Variants in PHIP observed in about 807,000 individuals in gnomAD.
PHIP encodes PHIP subunit of CUL4-Ring ligase complex.
PHIP carries 54 observed loss-of-function variants against 236.8 expected under a neutral mutation model. That is an observed-to-expected ratio of 0.23 (90% CI 0.18 to 0.29). PHIP has a LOEUF of 0.29. Among genes scored for constraint, PHIP ranks in the 10% least tolerant of loss-of-function variants. The probability of loss-of-function intolerance (pLI) is 1.00; values close to 1 mark genes in which losing one functional copy is unlikely to be tolerated. For synonymous variants in PHIP, 756 were observed against 718.9 expected (o/e 1.05, Z -0.83); for missense variants, 1,370 against 2,190.8 (o/e 0.63, Z 7.48).
chr6:78,983,582 C>CT (rs1049808627), intron 22 of PHIP, among the ~76,000 whole-genome samples: 41 of 152,148 alleles, frequency 2.7e-4, no homozygotes, highest in Admixed American at 2.3e-3. Context: ...CAGGGGAACT[C>CT]TTATGGTCCA....
chr6:78,966,448 T>G (rs1404999172), intron 27 of PHIP, among the ~76,000 whole-genome samples: 1 of 152,160 alleles, frequency 6.6e-6, no homozygotes, highest in East Asian at 1.9e-4. Flanking sequence ...TCTTACTTTC[T>G]GTAAGCAAGT....
At position 78,969,858 on chromosome 6, in the gene PHIP, G is replaced by A; in HGVS notation, c.3182C>T (p.Ala1061Val). 6.3e-7 allele frequency: 1 copy of A among 1,579,542 alleles called. No individual in the cohort carries two copies. The highest frequency in any genetic ancestry group is 1.3e-5 in the African/African-American group (1 of 74,182). ...ACCTATATTCCATCGCCTGTATTTT[G>A]CATCATCAAATTGTTGTCTCAAGAC... ...FLVLRQQFDD[A>V]KYRRWNIGDR... Residue 1061 changes from alanine (A) to valine (V), a missense_variant, in exon 27 of 40, where the codon GCA (alanine) becomes GTA (valine). Transcript: ENST00000275034.
chr6:78,964,562 G>A (rs1436688615), intron 29 of PHIP, among the ~76,000 whole-genome samples: 4 of 151,932 alleles, frequency 2.6e-5, no homozygotes, highest in African/African-American at 4.8e-5. Context: ...GTGCAATCTC[G>A]GCTCACTGCC....
intron 6 of PHIP, among the ~76,000 whole-genome samples, chr6:79,049,497 T>C (rs768733666): frequency 4.6e-5 from 7 of 152,188 alleles, no homozygotes; most frequent in Non-Finnish European, 8.8e-5. Flanking sequence ...AATTAAAATA[T>C]AAAAGGGAGT....
intron 7 of PHIP, among the ~76,000 whole-genome samples, chr6:79,027,560 T>C (rs1425087022): frequency 6.6e-6 from 1 of 152,160 alleles, no homozygotes; most frequent in African/African-American, 2.4e-5. Flanking sequence ...CCACTAAAGA[T>C]ATAAGAATGA....
chr6:79,002,713 A>C (rs1005213282), intron 16 of PHIP, among the ~76,000 whole-genome samples: 2 of 152,128 alleles, frequency 1.3e-5, no homozygotes, highest in Non-Finnish European at 2.9e-5. Flanking sequence ...ACCACTAAAA[A>C]TAAGCTATTC....
At chr6:79,025,424 A>C (rs1007991409) in intron 9 of PHIP, 95 bp downstream of exon 9, 7 of 691,972 alleles carry the variant, frequency 1.0e-5, no homozygotes, top group Admixed American at 7.5e-5. Context: ...AAGGAGAAAA[A>C]GTAAATGTAT....
chr6:79,040,516 T>C (rs1486750692), intron 7 of PHIP, among the ~76,000 whole-genome samples: 1 of 152,152 alleles, frequency 6.6e-6, no homozygotes, highest in African/African-American at 2.4e-5. Context: ...AATAACAGTA[T>C]GTTCTCTCAC....
At chr6:78,999,339 A>G (rs999447863) in intron 17 of PHIP, among the ~76,000 whole-genome samples, 2 of 152,136 alleles carry the variant, frequency 1.3e-5, no homozygotes, top group African/African-American at 4.8e-5. Flanking sequence ...CACCAACTAA[A>G]ATGGCAATTC....
intron 4 of PHIP, among the ~76,000 whole-genome samples, chr6:79,077,096 C>A (rs1774204851): frequency 6.6e-6 from 1 of 152,060 alleles, no homozygotes; most frequent in African/African-American, 2.4e-5. Context: ...TCTCCCTCTT[C>A]GCGCCGCTCC....
intron 15 of PHIP, among the ~76,000 whole-genome samples, chr6:79,006,923 AAAG>A (rs1770320811): frequency 6.6e-6 from 1 of 152,076 alleles, no homozygotes; most frequent in Non-Finnish European, 1.5e-5. Context: ...AAAACTTCAA[AAAG>A]AATAAGAGGA....
Position 78,945,999 on chromosome 6 carries a change from A to C in PHIP, c.4630+2T>G. 1 of 1,598,258 alleles carries C rather than the reference A, an allele frequency of 6.3e-7. No individual in the cohort carries two copies. The highest frequency in any genetic ancestry group is 8.6e-7 in the Non-Finnish European group (1 of 1,166,268). Reference sequence around the variant, plus strand: ...CATTTCAATTTAGAAAGTGAGTCTTACTTGTTTTCCCTGGTATTGCAGATG... The same window carrying C: ...CATTTCAATTTAGAAAGTGAGTCTTCCTTGTTTTCCCTGGTATTGCAGATG... On this transcript the variant is annotated splice_donor_variant, in intron 38 of 39. Transcript: ENST00000275034. LOFTEE classifies it high-confidence loss of function.
At chr6:79,018,367 C>A (rs1318319031) in intron 10 of PHIP, among the ~76,000 whole-genome samples, 1 of 151,866 alleles carries the variant, frequency 6.6e-6, no homozygotes, top group East Asian at 1.9e-4. Flanking sequence ...CAAAGACAGA[C>A]TCACTTCATT....
intron 22 of PHIP, among the ~76,000 whole-genome samples, chr6:78,984,006 T>A (rs906874359): frequency 6.6e-6 from 1 of 152,188 alleles, no homozygotes; most frequent in Non-Finnish European, 1.5e-5. Flanking sequence ...AGTTATACTA[T>A]GTTAAAAGCA....
At chr6:78,945,854 T>C (rs1277386576) in intron 38 of PHIP, 147 bp downstream of exon 38, 1 of 666,294 alleles carries the variant, frequency 1.5e-6, no homozygotes, top group Non-Finnish European at 2.5e-6. Context: ...ATTAAAAACT[T>C]TTTTTTAAAA....
In PHIP at chr6:78,936,207, T is replaced by C. The variant is rs1773267276; in HGVS notation, c.*4486A>G. 2.6e-5 allele frequency: 4 copies of C among 151,988 alleles called. No individual in the cohort carries two copies. Among genetic ancestry groups the C allele is most frequent in the Non-Finnish European group, 1.5e-5 (1 of 67,836 alleles). The allele number at this position is 151,988 out of a possible 1,614,324, so 9.4% of individuals were successfully genotyped here. A position where few individuals can be genotyped will look rare whatever the true frequency, so the allele number is the denominator to read the frequency against. On this transcript the variant is annotated 3_prime_UTR_variant, in exon 40 of 40. Transcript: ENST00000275034. The stretch of plus-strand genomic sequence containing the variant: ...CAACAGATCTGCTTGTGTTTAAACA[T>C]TGTTTTCTGTACAAAATAAGCATAA...
At chr6:78,992,523 A>G (rs1769332152) in intron 19 of PHIP, among the ~76,000 whole-genome samples, 1 of 151,992 alleles carries the variant, frequency 6.6e-6, no homozygotes, top group South Asian at 2.1e-4. Flanking sequence ...GAACCCTGCA[A>G]TGAGCAAATG....
chr6:79,043,089 T>G, intron 6 of PHIP, 86 bp from the exon 7 acceptor site: 4 of 1,061,280 alleles, frequency 3.8e-6, no homozygotes, highest in Non-Finnish European at 5.6e-6. Context: ...ATACTCCAAT[T>G]TGTCATGTGC....
chr6:79,054,700 T>A (rs186783625), intron 6 of PHIP, among the ~76,000 whole-genome samples: 1 of 151,182 alleles, frequency 6.6e-6, no homozygotes, highest in African/African-American at 2.4e-5. Flanking sequence ...AAGAAATATA[T>A]GAGGAAAAAT....
Sources: gnomAD v4.1 joint callset for allele counts (sites outside exome capture counted in the v4.1 genomes callset) on GRCh38, gnomAD v4.1.1 for gene constraint, MANE v1.5 for transcripts, NCBI Gene and HGNC (gene_info 2026-07-23, HGNC 2026-07-21) for gene names.